Variants in SCAMP1 observed in about 807,000 individuals in gnomAD.
SCAMP1 encodes the protein secretory carrier-associated membrane protein 1.
In SCAMP1, 15 loss-of-function variants were observed where a neutral mutation model predicts 41.8. The observed-to-expected ratio is 0.36, with a 90% CI of 0.24 to 0.55. The LOEUF (loss-of-function observed/expected upper bound fraction) is 0.55, where lower values mean the gene tolerates loss of function less well. SCAMP1 is among the 20% of genes least tolerant of loss of function. SCAMP1 has a pLI of 0.86. For synonymous variants in SCAMP1, 135 were observed against 136.8 expected (o/e 0.99, Z 0.09); for missense variants, 341 against 412.6 (o/e 0.83, Z 1.50).
chr5:78,475,476 C>G (rs1318956838), intron 8 of SCAMP1, 28 bp from the exon 9 acceptor site: 2 of 1,520,444 alleles, frequency 1.3e-6, no homozygotes, highest in Admixed American at 2.2e-5. Context: ...TGCTACTTAC[C>G]TTCTCCCACT....
intron 7 of SCAMP1, among the ~76,000 whole-genome samples, chr5:78,451,901 C>T (rs994190695): frequency 3.9e-5 from 6 of 152,166 alleles, no homozygotes; most frequent in African/African-American, 1.2e-4. Context: ...GTGATCTGCC[C>T]GCCTCAGCCT....
In SCAMP1 at chr5:78,476,903, C is replaced by T. The variant is rs1225107981; in HGVS notation, c.*1235C>T. On this transcript the variant is annotated 3_prime_UTR_variant, in exon 9 of 9. Transcript: ENST00000621999. Reference sequence around the variant, plus strand: ...AAAATTGTTACTATGCAGCACAGAACTTCATTCTTATAGTATTCTTGGGTT... The same window carrying T: ...AAAATTGTTACTATGCAGCACAGAATTTCATTCTTATAGTATTCTTGGGTT... 6.6e-6 allele frequency: 1 copy of T among 152,040 alleles called. No individual in the cohort carries two copies. Among genetic ancestry groups the T allele is most frequent in the South Asian group, 2.1e-4 (1 of 4,832 alleles). The allele number at this position is 152,040 out of a possible 1,614,324, so 9.4% of individuals were successfully genotyped here.
At position 78,360,626 on chromosome 5, in the gene SCAMP1, C is replaced by G; in HGVS notation, c.-46C>G. On this transcript the variant is annotated 5_prime_UTR_variant, in exon 1 of 9. Coordinates refer to ENST00000621999, the MANE Select transcript of SCAMP1 (RefSeq NM_004866.6). ...GGGGGGCGGCGGCCTCGCCTCGTCT[C>G]TCTCTCTGCGCCTGGGTCGGGTGGG... 4 of 1,575,318 alleles carry G rather than the reference C, an allele frequency of 2.5e-6. No homozygotes were observed. The highest frequency in any genetic ancestry group is 1.7e-4 in the Middle Eastern group (1 of 6,016).
intron 1 of SCAMP1, among the ~76,000 whole-genome samples, chr5:78,365,390 C>T (rs1436100630): frequency 7.1e-6 from 1 of 140,146 alleles, no homozygotes; most frequent in East Asian, 2.2e-4. Context: ...AGGAGAATTG[C>T]TTGAACCTGG....
chr5:78,438,900 G>A (rs1305221937), intron 6 of SCAMP1, among the ~76,000 whole-genome samples: 1 of 152,138 alleles, frequency 6.6e-6, no homozygotes, highest in Admixed American at 6.5e-5. Flanking sequence ...GGGTGCTCCT[G>A]GATTGAGTGC....
chr5:78,443,128 G>A (rs573478469), intron 6 of SCAMP1, among the ~76,000 whole-genome samples: 1 of 150,058 alleles, frequency 6.7e-6, no homozygotes, highest in South Asian at 2.1e-4. Context: ...CAGGAGAATG[G>A]CATGAACCCT....
intron 6 of SCAMP1, among the ~76,000 whole-genome samples, chr5:78,445,278 C>T (rs914979613): frequency 6.6e-6 from 1 of 152,200 alleles, no homozygotes; most frequent in African/African-American, 2.4e-5. Flanking sequence ...AAACCAAAAA[C>T]TACTTGCTTA....
At chr5:78,459,403 A>G in intron 8 of SCAMP1, 41 bp downstream of exon 8, 2 of 960,498 alleles carry the variant, frequency 2.1e-6, no homozygotes, top group Non-Finnish European at 3.3e-6. Context: ...AGTGAACGTG[A>G]TGTAAAGTTC....
intron 2 of SCAMP1, among the ~76,000 whole-genome samples, chr5:78,395,314 C>A (rs371088959): frequency 6.6e-6 from 1 of 152,124 alleles, no homozygotes; most frequent in African/African-American, 2.4e-5. Flanking sequence ...CTCATGAACC[C>A]CCGACCCTAT....
intron 1 of SCAMP1, among the ~76,000 whole-genome samples, chr5:78,384,180 CT>C (rs57618539): frequency 9.2e-5 from 6 of 65,278 alleles, no homozygotes; most frequent in East Asian, 5.4e-4. Context: ...AGTTTTTTTT[CT>C]TTTTTTTTTT....
chr5:78,442,555 G>T (rs911842403), intron 6 of SCAMP1, among the ~76,000 whole-genome samples: 4 of 152,078 alleles, frequency 2.6e-5, no homozygotes, highest in African/African-American at 9.7e-5. Flanking sequence ...CACCGCGCCC[G>T]GCTGAGTTTT....
intron 8 of SCAMP1, among the ~76,000 whole-genome samples, chr5:78,474,768 A>G (rs1471904058): frequency 6.6e-6 from 1 of 152,164 alleles, no homozygotes; most frequent in Non-Finnish European, 1.5e-5. Flanking sequence ...CCTTCTTCAA[A>G]TTTGTGTTAA....
intron 2 of SCAMP1, among the ~76,000 whole-genome samples, chr5:78,412,377 T>C (rs7720070): frequency 0.45 from 68,096 of 151,642 alleles, 16,094 homozygotes; most frequent in Non-Finnish European, 0.51. Context: ...TTTTTTGTCT[T>C]GTTTTGTTTT....
chr5:78,430,900 A>C (rs997207129), intron 6 of SCAMP1, among the ~76,000 whole-genome samples: 78 of 152,216 alleles, frequency 5.1e-4, no homozygotes, highest in African/African-American at 1.8e-3. Context: ...AGTATTTGTT[A>C]CAAAGTTCTC....
intron 6 of SCAMP1, among the ~76,000 whole-genome samples, chr5:78,424,981 AG>A (rs1752430858): frequency 6.6e-6 from 1 of 152,240 alleles, no homozygotes; most frequent in Non-Finnish European, 1.5e-5. Context: ...TCAGTTTGTT[AG>A]GTTTAAATGA....
intron 6 of SCAMP1, among the ~76,000 whole-genome samples, chr5:78,438,050 C>T (rs1004266211): frequency 8.5e-5 from 13 of 152,118 alleles, no homozygotes; most frequent in East Asian, 1.9e-4. Flanking sequence ...TCTGTAGGAT[C>T]GGTGGTGATA....
chr5:78,469,133 T>C (rs955149438), intron 8 of SCAMP1, among the ~76,000 whole-genome samples: 45 of 152,296 alleles, frequency 3.0e-4, no homozygotes, highest in Middle Eastern at 3.4e-3. Context: ...CTATACTTTC[T>C]TGAAAATATT....
intron 1 of SCAMP1, among the ~76,000 whole-genome samples, chr5:78,364,851 A>G (rs1750752973): frequency 8.0e-6 from 1 of 124,628 alleles, no homozygotes; most frequent in Non-Finnish European, 1.6e-5. Context: ...ACTTGGACAC[A>G]GGGTGGGGAA....
intron 7 of SCAMP1, among the ~76,000 whole-genome samples, chr5:78,453,991 A>G (rs552354258): frequency 4.7e-4 from 71 of 151,960 alleles, no homozygotes; most frequent in Admixed American, 9.2e-4. Flanking sequence ...TCTGTCTGTT[A>G]TTGGTGTATA....
Sources: allele counts gnomAD v4.1 joint callset (sites outside exome capture counted in the v4.1 genomes callset), GRCh38; gene constraint gnomAD v4.1.1; transcripts MANE v1.5; gene names NCBI Gene and HGNC (gene_info 2026-07-23, HGNC 2026-07-21).